PPM1H: variants seen among roughly 807,000 people sequenced by gnomAD.
PPM1H encodes protein phosphatase 1H.
Under a neutral mutation model 54.9 loss-of-function variants are expected in PPM1H, and 27 were observed. That is an observed-to-expected ratio of 0.49 (90% CI 0.36 to 0.68). The LOEUF (loss-of-function observed/expected upper bound fraction) is 0.68, where lower values mean the gene tolerates loss of function less well. PPM1H is among the 30% of genes least tolerant of loss of function. The pLI is 0.00. For synonymous variants in PPM1H, 305 were observed against 270.8 expected (o/e 1.13, Z -1.24); for missense variants, 596 against 667.8 (o/e 0.89, Z 1.19).
chr12:62,741,590 C>T (rs529942924), intron 4 of PPM1H, among the ~76,000 whole-genome samples: 15 of 152,316 alleles, frequency 9.8e-5, no homozygotes, highest in South Asian at 6.2e-4. Context: ...CAGCTCAGAA[C>T]GCCTTCTGTT....
At chr12:62,857,081 T>A (rs1291390571) in intron 1 of PPM1H, among the ~76,000 whole-genome samples, 1 of 152,202 alleles carries the variant, frequency 6.6e-6, no homozygotes, top group African/African-American at 2.4e-5. Flanking sequence ...TGGAATCATA[T>A]AATTCCCTAC....
At chr12:62,739,569 C>G (rs375622898) in intron 4 of PPM1H, among the ~76,000 whole-genome samples, 2 of 152,126 alleles carry the variant, frequency 1.3e-5, no homozygotes, top group Non-Finnish European at 2.9e-5. Context: ...TTTTTCTGCA[C>G]GGCCCCTGAA....
intron 4 of PPM1H, among the ~76,000 whole-genome samples, chr12:62,777,118 C>T (rs1336975472): frequency 6.6e-6 from 1 of 152,226 alleles, no homozygotes; most frequent in Non-Finnish European, 1.5e-5. Flanking sequence ...TAATAAAGCA[C>T]AGGGCTTAGC....
At chr12:62,676,865 C>T (rs962816080) in intron 8 of PPM1H, among the ~76,000 whole-genome samples, 46 of 152,204 alleles carry the variant, frequency 3.0e-4, no homozygotes, top group African/African-American at 7.9e-4. Flanking sequence ...GGGGCAGGTC[C>T]GCGGTAAAGC....
intron 9 of PPM1H, among the ~76,000 whole-genome samples, chr12:62,652,558 TG>T (rs2075822207): frequency 6.6e-6 from 1 of 152,258 alleles, no homozygotes; most frequent in Non-Finnish European, 1.5e-5. Flanking sequence ...TAATTTATTA[TG>T]TGCTTCTTTC....
At chr12:62,828,056 C>T (rs1868309684) in intron 2 of PPM1H, among the ~76,000 whole-genome samples, 1 of 152,156 alleles carries the variant, frequency 6.6e-6, no homozygotes, top group Non-Finnish European at 1.5e-5. Flanking sequence ...GTACAATCCG[C>T]TTTACTTATC....
intron 1 of PPM1H, among the ~76,000 whole-genome samples, chr12:62,838,836 G>C (rs1202202369): frequency 8.2e-6 from 1 of 121,650 alleles, no homozygotes; most frequent in African/African-American, 3.7e-5. Flanking sequence ...CAGGAGAATG[G>C]CGTGAACCCG....
At chr12:62,858,687 G>A (rs1869486097) in intron 1 of PPM1H, among the ~76,000 whole-genome samples, 1 of 152,164 alleles carries the variant, frequency 6.6e-6, no homozygotes, top group Non-Finnish European at 1.5e-5. Flanking sequence ...CAGTTGACAG[G>A]AAAACTGAAA....
intron 4 of PPM1H, among the ~76,000 whole-genome samples, chr12:62,751,422 G>A (rs2076441855): frequency 1.3e-5 from 2 of 152,152 alleles, no homozygotes; most frequent in Admixed American, 6.5e-5. Flanking sequence ...CATCACACTC[G>A]CTTTCACGCA....
intron 1 of PPM1H, among the ~76,000 whole-genome samples, chr12:62,852,384 A>G (rs1869228944): frequency 6.6e-6 from 1 of 152,074 alleles, no homozygotes; most frequent in Admixed American, 6.6e-5. Flanking sequence ...AGAAGGTGGC[A>G]GTCTATAACC....
intron 6 of PPM1H, among the ~76,000 whole-genome samples, chr12:62,706,473 C>T (rs2076174942): frequency 6.6e-6 from 1 of 152,230 alleles, no homozygotes; most frequent in African/African-American, 2.4e-5. Context: ...CTGCTGTCAC[C>T]TCACGCCCAG....
intron 1 of PPM1H, among the ~76,000 whole-genome samples, chr12:62,854,949 G>A (rs1450881891): frequency 2.0e-5 from 3 of 152,142 alleles, no homozygotes; most frequent in Admixed American, 1.3e-4. Context: ...CTCACCCACA[G>A]TATAGGCTTA....
At chr12:62,913,503 CCA>C (rs1162690859) in intron 1 of PPM1H, among the ~76,000 whole-genome samples, 3 of 152,282 alleles carry the variant, frequency 2.0e-5, no homozygotes, top group Middle Eastern at 3.4e-3. Context: ...GCTTTCCTTT[CCA>C]GCTCTCCACT....
intron 1 of PPM1H, among the ~76,000 whole-genome samples, chr12:62,884,501 CAA>C (rs6144736): frequency 4.1e-4 from 37 of 89,970 alleles, no homozygotes; most frequent in African/African-American, 1.1e-3. Flanking sequence ...AACTCCATAT[CAA>C]AAAAAAAAAA....
chr12:62,721,552 C>A (rs2076263766), intron 5 of PPM1H, among the ~76,000 whole-genome samples: 2 of 151,976 alleles, frequency 1.3e-5, no homozygotes. Context: ...GGGAGTAAGG[C>A]TTGGGGTGCT....
At chr12:62,877,780 A>G (rs1434205733) in intron 1 of PPM1H, among the ~76,000 whole-genome samples, 3 of 152,218 alleles carry the variant, frequency 2.0e-5, no homozygotes, top group African/African-American at 7.2e-5. Context: ...CACAGGAATG[A>G]TTCAGAGGTT....
intron 9 of PPM1H, among the ~76,000 whole-genome samples, chr12:62,661,954 T>C (rs904401599): frequency 2.6e-5 from 4 of 151,994 alleles, no homozygotes; most frequent in Non-Finnish European, 5.9e-5. Context: ...CCATCTGATA[T>C]AGGATTCTTT....
At chr12:62,795,097 C>T (rs2076724834) in intron 3 of PPM1H, among the ~76,000 whole-genome samples, 1 of 152,162 alleles carries the variant, frequency 6.6e-6, no homozygotes, top group Non-Finnish European at 1.5e-5. Context: ...GTCACCTTCA[C>T]CACAAGCCCC....
intron 1 of PPM1H, among the ~76,000 whole-genome samples, chr12:62,869,179 C>T (rs898337060): frequency 3.9e-5 from 6 of 152,150 alleles, no homozygotes; most frequent in African/African-American, 1.4e-4. Context: ...TGAAAACAAC[C>T]ATCTTCCTGG....
Sources: allele counts gnomAD v4.1 joint callset (sites outside exome capture counted in the v4.1 genomes callset), GRCh38; gene constraint gnomAD v4.1.1; transcripts MANE v1.5; gene names NCBI Gene and HGNC (gene_info 2026-07-23, HGNC 2026-07-21).